The following SMYD3 variants were observed in gnomAD, a reference collection of about 807,000 sequenced individuals.
SMYD3 encodes SET and MYND domain containing 3.
In SMYD3, 36 loss-of-function variants were observed where a neutral mutation model predicts 57.7. The ratio of observed to expected loss-of-function variants is 0.62; its 90% CI spans 0.48 to 0.82. The LOEUF (loss-of-function observed/expected upper bound fraction) is 0.82. Among genes scored for constraint, SMYD3 ranks in the 40% least tolerant of loss-of-function variants. SMYD3 has a pLI of 0.00. For synonymous variants in SMYD3, 211 were observed against 195.0 expected (o/e 1.08, Z -0.68); for missense variants, 515 against 538.8 (o/e 0.96, Z 0.44).
chr1:245,955,077 G>T (rs1433111197), intron 5 of SMYD3, among the ~76,000 whole-genome samples: 2 of 152,078 alleles, frequency 1.3e-5, no homozygotes, highest in African/African-American at 2.4e-5. Flanking sequence ...CCCAAGTCAG[G>T]TTGTGGGCCC....
intron 5 of SMYD3, among the ~76,000 whole-genome samples, chr1:246,036,738 G>A (rs71638310): frequency 1.2e-4 from 5 of 43,028 alleles, no homozygotes; most frequent in African/African-American, 6.6e-4. Flanking sequence ...TTTTTTTTTT[G>A]TACTTTTAGT....
At chr1:245,753,832 C>T (rs987146436) in intron 11 of SMYD3, among the ~76,000 whole-genome samples, 2 of 152,204 alleles carry the variant, frequency 1.3e-5, no homozygotes, top group Non-Finnish European at 2.9e-5. Flanking sequence ...GTCACCCATG[C>T]GCATGTCAGA....
At chr1:246,479,150 T>C (rs1314254130) in intron 1 of SMYD3, among the ~76,000 whole-genome samples, 1 of 151,382 alleles carries the variant, frequency 6.6e-6, no homozygotes, top group Admixed American at 6.6e-5. Flanking sequence ...TGCTCATATA[T>C]GTAAACCTGT....
chr1:246,179,578 T>G (rs1295801619), intron 5 of SMYD3, among the ~76,000 whole-genome samples: 2 of 152,198 alleles, frequency 1.3e-5, no homozygotes, highest in Non-Finnish European at 2.9e-5. Flanking sequence ...ACTAGATCCC[T>G]TTTAGTAGAT....
At chr1:245,874,677 G>C (rs1008045153) in intron 8 of SMYD3, among the ~76,000 whole-genome samples, 1 of 152,078 alleles carries the variant, frequency 6.6e-6, no homozygotes, top group Non-Finnish European at 1.5e-5. Flanking sequence ...CTGTTCGAGG[G>C]AAAGAAATTA....
At chr1:245,876,806 A>G (rs2052511465) in intron 8 of SMYD3, among the ~76,000 whole-genome samples, 1 of 152,172 alleles carries the variant, frequency 6.6e-6, no homozygotes, top group Admixed American at 6.5e-5. Flanking sequence ...ATTTCTAAAT[A>G]CCGCACGTGA....
At chr1:246,330,398 C>A in intron 4 of SMYD3, 82 bp downstream of exon 4, 1 of 1,115,282 alleles carries the variant, frequency 9.0e-7, no homozygotes, top group Non-Finnish European at 1.3e-6. Flanking sequence ...AACAGAAAAA[C>A]ATAGTTAAAA....
At position 245,982,301 on chromosome 1, in the gene SMYD3, G is replaced by A. The variant is rs139410406; in HGVS notation, c.532-52364C>T. 7.2e-5 allele frequency among the ~76,000 whole-genome samples: 11 copies of A among 152,242 alleles called. No homozygotes were observed. The East Asian group carries it at 1.9e-3, about 27-fold the overall frequency. ...CATGAGCCACTGCAGCTGGCTAATA[G>A]TTTTTTGTAGAGATGAAGTCTCACT... On this transcript the variant is annotated intron_variant, in intron 5 of 11. Coordinates refer to ENST00000490107, the MANE Select transcript of SMYD3 (RefSeq NM_001167740.2).
intron 1 of SMYD3, among the ~76,000 whole-genome samples, chr1:246,378,746 A>AT (rs2066326693): frequency 1.2e-5 from 1 of 81,236 alleles, no homozygotes; most frequent in Non-Finnish European, 2.3e-5. Flanking sequence ...ATATAATTAT[A>AT]TATAATATAT....
At chr1:245,974,105 C>T (rs1369823038) in intron 5 of SMYD3, among the ~76,000 whole-genome samples, 1 of 152,130 alleles carries the variant, frequency 6.6e-6, no homozygotes, top group Non-Finnish European at 1.5e-5. Context: ...TTCAGGCACC[C>T]TCCTTTCCTC....
chr1:246,070,812 C>T (rs1016686610), intron 5 of SMYD3, among the ~76,000 whole-genome samples: 1 of 152,230 alleles, frequency 6.6e-6, no homozygotes, highest in Non-Finnish European at 1.5e-5. Flanking sequence ...GAACAAGCCA[C>T]TGCCTTGTTA....
At chr1:245,920,088 A>C (rs28663330) in intron 7 of SMYD3, among the ~76,000 whole-genome samples, 9,736 of 151,924 alleles carry the variant, frequency 0.064, 582 homozygotes, top group African/African-American at 0.15. Flanking sequence ...CCAAGGCGGT[A>C]GGATCACGAG....
intron 10 of SMYD3, among the ~76,000 whole-genome samples, chr1:245,813,005 CTTTTT>C (rs770448717): frequency 0.01 from 786 of 75,518 alleles, 2 homozygotes; most frequent in African/African-American, 0.015. Context: ...GAGACAGCTT[CTTTTT>C]TTTTTTTTTT....
At chr1:245,966,081 A>C (rs2058138967) in intron 5 of SMYD3, among the ~76,000 whole-genome samples, 1 of 152,202 alleles carries the variant, frequency 6.6e-6, no homozygotes, top group Non-Finnish European at 1.5e-5. Context: ...AAGGATTTTT[A>C]CACAACTAAG....
chr1:245,981,300 G>T (rs1042165538), intron 5 of SMYD3, among the ~76,000 whole-genome samples: 1 of 152,190 alleles, frequency 6.6e-6, no homozygotes, highest in African/African-American at 2.4e-5. Flanking sequence ...TTTTTGAGAG[G>T]ATGAGGATCT....
intron 5 of SMYD3, among the ~76,000 whole-genome samples, chr1:245,992,403 G>A (rs2058827101): frequency 1.3e-5 from 2 of 152,364 alleles, no homozygotes; most frequent in South Asian, 4.1e-4. Context: ...GAATCATTGG[G>A]ATCAGGTTGA....
intron 8 of SMYD3, among the ~76,000 whole-genome samples, chr1:245,873,173 A>G (rs1191597365): frequency 6.6e-6 from 1 of 152,188 alleles, no homozygotes; most frequent in African/African-American, 2.4e-5. Context: ...GCAGTTAAAC[A>G]CACATGAATA....
intron 5 of SMYD3, among the ~76,000 whole-genome samples, chr1:246,313,235 C>T (rs2065106952): frequency 6.6e-6 from 1 of 152,042 alleles, no homozygotes; most frequent in Non-Finnish European, 1.5e-5. Flanking sequence ...AAAATCTTGG[C>T]CAAATGGGAA....
At chr1:246,307,843 C>G (rs1406416302) in intron 5 of SMYD3, among the ~76,000 whole-genome samples, 1 of 152,140 alleles carries the variant, frequency 6.6e-6, no homozygotes, top group Non-Finnish European at 1.5e-5. Context: ...TGCTCCTAAC[C>G]CAAAACAGGC....
Sources: allele counts gnomAD v4.1 joint callset (sites outside exome capture counted in the v4.1 genomes callset), GRCh38; gene constraint gnomAD v4.1.1; transcripts MANE v1.5; gene names NCBI Gene and HGNC (gene_info 2026-07-23, HGNC 2026-07-21).